MAGT1: variants seen among roughly 807,000 people sequenced by gnomAD.
MAGT1 encodes the protein magnesium transporter 1.
A neutral mutation model predicts 28.4 loss-of-function variants in MAGT1; 4 were observed. The observed-to-expected ratio is 0.14, with a 90% CI of 0.07 to 0.32. MAGT1 has a LOEUF of 0.32. MAGT1 is among the 10% of genes least tolerant of loss of function. The pLI, the probability that MAGT1 is intolerant of heterozygous loss-of-function variation, is 1.00. For missense variants in MAGT1, 193 were observed against 264.5 expected, an observed-to-expected ratio of 0.73 and a Z score of 1.88; for synonymous variants, 89 against 89.7, an observed-to-expected ratio of 0.99 and a Z score of 0.04.
intron 7 of MAGT1, among the ~76,000 whole-genome samples, chrX:77,841,736 C>G (rs933158297): frequency 9.4e-6 from 1 of 106,267 alleles, no homozygotes; most frequent in Non-Finnish European, 1.9e-5. Flanking sequence ...AGTGCAGTGA[C>G]GCAATCTCAG....
intron 3 of MAGT1, among the ~76,000 whole-genome samples, chrX:77,863,228 T>C (rs1557216587): frequency 9.2e-6 from 1 of 108,376 alleles, no homozygotes; most frequent in Non-Finnish European, 1.9e-5. Flanking sequence ...AAAAACAGTA[T>C]AAGGCCAGGT....
intron 8 of MAGT1, among the ~76,000 whole-genome samples, chrX:77,836,014 G>T (rs782749705): frequency 9.0e-6 from 1 of 111,080 alleles, no homozygotes; most frequent in Non-Finnish European, 1.9e-5. Context: ...CGTTGGCCAG[G>T]GTAGTCTAGA....
chrX:77,880,981 A>AG, intron 1 of MAGT1, among the ~76,000 whole-genome samples: 1 of 98,615 alleles, frequency 1.0e-5, no homozygotes, highest in South Asian at 4.5e-4. Flanking sequence ...AAAAAAAAAA[A>AG]GAAGGAAAGA....
intron 3 of MAGT1, among the ~76,000 whole-genome samples, chrX:77,865,544 C>T (rs1279342792): frequency 1.2e-4 from 13 of 108,852 alleles, no homozygotes; most frequent in African/African-American, 4.3e-4. Flanking sequence ...CTGCCTGCCT[C>T]GGCCTCCCAA....
At chrX:77,846,394 C>T (rs782022233) in intron 7 of MAGT1, among the ~76,000 whole-genome samples, 12 of 111,853 alleles carry the variant, frequency 1.1e-4, no homozygotes, top group Admixed American at 4.8e-4. Flanking sequence ...TCCTTTAGCT[C>T]GGAGAAGTTT....
intron 1 of MAGT1, among the ~76,000 whole-genome samples, chrX:77,890,616 T>C (rs1471013799): frequency 8.9e-6 from 1 of 112,260 alleles, no homozygotes; most frequent in Admixed American, 9.5e-5. Flanking sequence ...TTTCCAATGA[T>C]AGCCTGCCTT....
intron 8 of MAGT1, 107 bp downstream of exon 8, chrX:77,841,139 G>T (rs1427035242): frequency 1.6e-5 from 9 of 559,750 alleles, no homozygotes; most frequent in Admixed American, 6.7e-5. Flanking sequence ...AATAGTAAAG[G>T]GGTAAAATAA....
intron 7 of MAGT1, among the ~76,000 whole-genome samples, chrX:77,843,439 T>A (rs2076941308): frequency 9.0e-6 from 1 of 110,997 alleles, no homozygotes; most frequent in African/African-American, 3.3e-5. Flanking sequence ...TCTCACTATG[T>A]TGCCCAGGCT....
chrX:77,857,503 T>C lies in MAGT1; in HGVS notation c.391-6A>G. On this transcript the variant is annotated splice_polypyrimidine_tract_variant and splice_region_variant and intron_variant, in intron 3 of 9. Transcript: ENST00000618282. ...GGAGCTGAATTCATGTTTAGCTGAA[T>C]AAAAACGAGCCATGAAAATATACAT... is the stretch of plus-strand genomic sequence containing the variant. 8.4e-7 allele frequency: 1 copy of C among 1,193,454 alleles called. No individual in the cohort carries two copies. The highest frequency in any genetic ancestry group is 1.1e-6 in the Non-Finnish European group (1 of 888,317).
intron 1 of MAGT1, among the ~76,000 whole-genome samples, chrX:77,882,805 A>G (rs2077056163): frequency 9.4e-6 from 1 of 106,737 alleles, no homozygotes; most frequent in Non-Finnish European, 1.9e-5. Context: ...AGTTACTACA[A>G]AATATTATAA....
chrX:77,858,437 C>T (rs782407827), intron 3 of MAGT1, among the ~76,000 whole-genome samples: 9 of 111,335 alleles, frequency 8.1e-5, no homozygotes, highest in South Asian at 3.8e-4. Flanking sequence ...ATGATCCCCC[C>T]GCCTCAGCCT....
intron 8 of MAGT1, among the ~76,000 whole-genome samples, chrX:77,838,154 A>G (rs2076924812): frequency 1.8e-5 from 2 of 112,358 alleles, no homozygotes; most frequent in South Asian, 7.2e-4. Context: ...ATATTCTAAT[A>G]TATAAAAAGT....
intron 9 of MAGT1, among the ~76,000 whole-genome samples, chrX:77,829,531 G>A: frequency 9.1e-6 from 1 of 110,003 alleles, no homozygotes; most frequent in Non-Finnish European, 1.9e-5. Flanking sequence ...GTCTGGTCTG[G>A]GACTCCCACG....
intron 1 of MAGT1, among the ~76,000 whole-genome samples, chrX:77,889,529 G>A (rs1322723286): frequency 3.7e-5 from 4 of 107,011 alleles, no homozygotes; most frequent in African/African-American, 1.4e-4. Context: ...CCGCCACCAC[G>A]CCCGGCTAAT....
At chrX:77,891,979 G>A (rs782049474) in intron 1 of MAGT1, among the ~76,000 whole-genome samples, 3 of 107,547 alleles carry the variant, frequency 2.8e-5, no homozygotes, top group South Asian at 4.0e-4. Context: ...ACAGAGTCTC[G>A]CTCTCTTGTT....
Position 77,886,363 on chromosome X carries a change from G to A in MAGT1, c.102+8946C>T, listed in dbSNP as rs190849036. On this transcript the variant is annotated intron_variant, in intron 1 of 9. Coordinates refer to ENST00000618282, the MANE Select transcript of MAGT1 (RefSeq NM_001367916.1). ...CTTGTTAAAAATGCAGACTTTGGCC[G>A]GGCACAGTGGCTCATGCCTGTAACC... is the stretch of plus-strand genomic sequence containing the variant. 6.4e-4 allele frequency among the ~76,000 whole-genome samples: 71 copies of A among 110,752 alleles called. 1 individual carries two copies. Among genetic ancestry groups the A allele is most frequent in the African/African-American group, 9.2e-4 (28 of 30,508 alleles).
intron 7 of MAGT1, among the ~76,000 whole-genome samples, chrX:77,846,253 G>A (rs1001018934): frequency 9.0e-6 from 1 of 111,676 alleles, no homozygotes; most frequent in Non-Finnish European, 1.9e-5. Flanking sequence ...CATTCATCAC[G>A]TAGCTCTCGT....
intron 1 of MAGT1, among the ~76,000 whole-genome samples, chrX:77,882,391 A>G (rs2077055126): frequency 9.0e-6 from 1 of 111,701 alleles, no homozygotes; most frequent in African/African-American, 3.3e-5. Flanking sequence ...TTGTATATCT[A>G]ATTTTGCCAT....
chrX:77,841,855 T>TTC (rs1295260425), intron 7 of MAGT1, among the ~76,000 whole-genome samples: 1 of 100,115 alleles, frequency 1.0e-5, no homozygotes, highest in East Asian at 3.1e-4. Flanking sequence ...TCTGTAATTT[T>TTC]TTTTTTTTTT....
Sources: allele counts gnomAD v4.1 joint callset (sites outside exome capture counted in the v4.1 genomes callset), GRCh38; gene constraint gnomAD v4.1.1; transcripts MANE v1.5; gene names NCBI Gene and HGNC (gene_info 2026-07-23, HGNC 2026-07-21).